PCDH15: variants seen among roughly 807,000 people sequenced by gnomAD.
PCDH15 encodes the protein protocadherin-15.
A neutral mutation model predicts 178.5 loss-of-function variants in PCDH15; 129 were observed. The observed-to-expected ratio is 0.72, with a 90% confidence interval of 0.63 to 0.84. PCDH15 has a LOEUF of 0.84. PCDH15 is among the 40% of genes least tolerant of loss of function. The pLI, the probability that PCDH15 is intolerant of heterozygous loss-of-function variation, is 0.00. For missense variants in PCDH15, 2,230 were observed against 2,099.9 expected (o/e 1.06, Z -1.21); for synonymous variants, 800 against 732.0 (o/e 1.09, Z -1.50).
At chr10:55,562,770 C>T in intron 2 of PCDH15, among the ~76,000 whole-genome samples, 1 of 151,910 alleles carries the variant, frequency 6.6e-6, no homozygotes, top group East Asian at 1.9e-4. Context: ...GTTTACATAA[C>T]TGGATAGACA....
At chr10:54,962,392 T>A (rs558198563) in intron 2 of PCDH15, among the ~76,000 whole-genome samples, 59 of 152,046 alleles carry the variant, frequency 3.9e-4, no homozygotes, top group African/African-American at 1.2e-3. Context: ...GTAACATAAA[T>A]GGGCTGAAAC....
intron 2 of PCDH15, among the ~76,000 whole-genome samples, chr10:55,487,448 G>A (rs574797341): frequency 9.0e-4 from 136 of 151,730 alleles, no homozygotes; most frequent in Middle Eastern, 6.8e-3. Flanking sequence ...AACACTCAAA[G>A]AATCCACCCA....
intron 1 of PCDH15, among the ~76,000 whole-genome samples, chr10:54,712,697 G>T (rs2095438665): frequency 6.6e-6 from 1 of 151,914 alleles, no homozygotes; most frequent in Non-Finnish European, 1.5e-5. Flanking sequence ...TTCTAAACTA[G>T]AATTGGAGGC....
chr10:54,747,804 A>C (rs1945654893), intron 1 of PCDH15, among the ~76,000 whole-genome samples: 1 of 130,536 alleles, frequency 7.7e-6, no homozygotes, highest in Non-Finnish European at 1.7e-5. Flanking sequence ...CTCAATGGTT[A>C]CATTTTTTTT....
chr10:54,974,016 C>G (rs1187230662), intron 2 of PCDH15, among the ~76,000 whole-genome samples: 1 of 151,074 alleles, frequency 6.6e-6, no homozygotes, highest in Non-Finnish European at 1.5e-5. Flanking sequence ...GACTCTCATA[C>G]TAGCCCTCTC....
chr10:55,596,074 T>C (rs1842929942), intron 2 of PCDH15, among the ~76,000 whole-genome samples: 1 of 152,236 alleles, frequency 6.6e-6, no homozygotes, highest in African/African-American at 2.4e-5. Flanking sequence ...ATTTACGTCC[T>C]GGTTAAATCT....
At chr10:55,280,070 A>G (rs1185467988) in intron 1 of PCDH15, among the ~76,000 whole-genome samples, 2 of 152,114 alleles carry the variant, frequency 1.3e-5, no homozygotes, top group Non-Finnish European at 2.9e-5. Context: ...TTCAAATAGC[A>G]TCTCTTTGCC....
At chr10:55,622,985 T>C (rs1278088467) in intron 2 of PCDH15, among the ~76,000 whole-genome samples, 10 of 152,176 alleles carry the variant, frequency 6.6e-5, no homozygotes, top group Non-Finnish European at 1.5e-5. Context: ...TAACATGTGT[T>C]TGACATTTCT....
At chr10:54,412,060 T>C (rs534566576) in intron 3 of PCDH15, among the ~76,000 whole-genome samples, 19 of 151,942 alleles carry the variant, frequency 1.3e-4, no homozygotes, top group Admixed American at 1.1e-3. Context: ...GGATGGTAAG[T>C]AGAGAAATGT....
intron 3 of PCDH15, among the ~76,000 whole-genome samples, chr10:54,425,232 T>C (rs1956122804): frequency 6.6e-6 from 1 of 152,068 alleles, no homozygotes; most frequent in African/African-American, 2.4e-5. Context: ...GATTGGATCA[T>C]GAAAGTTCCT....
chr10:53,863,397 A>G (rs542221868), intron 27 of PCDH15, among the ~76,000 whole-genome samples: 19 of 152,280 alleles, frequency 1.2e-4, no homozygotes, highest in Admixed American at 1.2e-3. Flanking sequence ...TGAGGGTAAT[A>G]GTCAAGCATT....
chr10:54,043,913 T>C (rs1441262758), intron 18 of PCDH15, among the ~76,000 whole-genome samples: 1 of 152,168 alleles, frequency 6.6e-6, no homozygotes, highest in African/African-American at 2.4e-5. Flanking sequence ...CTGAATTAGA[T>C]ACCTTACCAT....
At chr10:55,263,702 C>T (rs1842205628) in intron 1 of PCDH15, among the ~76,000 whole-genome samples, 1 of 152,026 alleles carries the variant, frequency 6.6e-6, no homozygotes, top group South Asian at 2.1e-4. Flanking sequence ...CCCCCTTTTG[C>T]TCTTTAAACT....
At chr10:54,249,984 GTC>G (rs1246252378) in intron 8 of PCDH15, among the ~76,000 whole-genome samples, 1 of 151,802 alleles carries the variant, frequency 6.6e-6, no homozygotes, top group Non-Finnish European at 1.5e-5. Flanking sequence ...TGATGGTGCA[GTC>G]TCACAACCTC....
chr10:54,919,549 G>A (rs10733935), intron 2 of PCDH15, among the ~76,000 whole-genome samples: 131,620 of 152,162 alleles, frequency 0.86, 57,115 homozygotes, highest in African/African-American at 0.9. Flanking sequence ...TAACTCACAT[G>A]TATCTCCTTT....
intron 2 of PCDH15, among the ~76,000 whole-genome samples, chr10:54,562,895 T>A (rs1358512203): frequency 6.6e-6 from 1 of 152,168 alleles, no homozygotes; most frequent in Non-Finnish European, 1.5e-5. Flanking sequence ...CTATTTGAAC[T>A]TGTCTACATG....
chr10:54,657,335 A>G (rs1410435887), intron 2 of PCDH15, among the ~76,000 whole-genome samples: 1 of 152,164 alleles, frequency 6.6e-6, no homozygotes, highest in Non-Finnish European at 1.5e-5. Flanking sequence ...ACAGCCCAAC[A>G]GGATCTCCAC....
chr10:54,570,094 C>T (rs1442740689), intron 2 of PCDH15, among the ~76,000 whole-genome samples: 1 of 151,738 alleles, frequency 6.6e-6, no homozygotes, highest in Non-Finnish European at 1.5e-5. Context: ...GCGTTTATCT[C>T]ACTGTCTCGG....
intron 2 of PCDH15, among the ~76,000 whole-genome samples, chr10:54,537,059 T>G (rs1432178986): frequency 7.3e-6 from 1 of 136,186 alleles, no homozygotes; most frequent in Non-Finnish European, 1.5e-5. Flanking sequence ...AGTGCAGTGG[T>G]GCGATCTCAG....
Sources: allele counts gnomAD v4.1 joint callset (sites outside exome capture counted in the v4.1 genomes callset), GRCh38; gene constraint gnomAD v4.1.1; transcripts MANE v1.5; gene names NCBI Gene and HGNC (gene_info 2026-07-23, HGNC 2026-07-21).